Variants in CCDC148 observed in about 807,000 individuals in gnomAD.
CCDC148 encodes the protein coiled-coil domain-containing protein 148.
In CCDC148, 89 loss-of-function variants were observed where a neutral mutation model predicts 85.7. That is an observed-to-expected ratio of 1.04 (90% CI 0.87 to 1.24). The LOEUF (loss-of-function observed/expected upper bound fraction) is 1.24. Ranked by LOEUF, CCDC148 falls within the 50% of genes most tolerant of loss-of-function variation. The probability of loss-of-function intolerance (pLI) is 0.00; values close to 1 mark genes in which losing one functional copy is unlikely to be tolerated. For missense variants in CCDC148, 692 were observed against 671.7 expected, an observed-to-expected ratio of 1.03 and a Z score of -0.33; for synonymous variants, 230 against 213.9, an observed-to-expected ratio of 1.08 and a Z score of -0.66.
intron 11 of CCDC148, among the ~76,000 whole-genome samples, chr2:158,218,540 C>T (rs935177791): frequency 6.6e-6 from 1 of 152,130 alleles, no homozygotes; most frequent in Admixed American, 6.5e-5. Context: ...ACTCTGTAAT[C>T]AAAGAAGCTC....
chr2:158,429,135 G>T, intron 1 of CCDC148, among the ~76,000 whole-genome samples: 2 of 150,050 alleles, frequency 1.3e-5, no homozygotes, highest in South Asian at 2.1e-4. Flanking sequence ...GGGGCCTGTC[G>T]TGGGGTGGGG....
intron 1 of CCDC148, among the ~76,000 whole-genome samples, chr2:158,436,444 A>G (rs369429655): frequency 2.0e-5 from 3 of 152,224 alleles, no homozygotes; most frequent in Admixed American, 6.5e-5. Flanking sequence ...CAAAGACACA[A>G]CATACCAGAA....
Position 158,335,112 on chromosome 2 carries a change from A to G in CCDC148, c.764+3614T>C, listed in dbSNP as rs571419186. Among the ~76,000 whole-genome samples, 3 of 152,300 alleles carry G rather than the reference A, an allele frequency of 2.0e-5. No individual in the cohort carries two copies. The East Asian group carries it at 5.8e-4, about 29-fold the overall frequency. On this transcript the variant is annotated intron_variant, in intron 7 of 13. Coordinates refer to ENST00000283233, the MANE Select transcript of CCDC148 (RefSeq NM_138803.4). ...TGGACTTCCCATGCCATTCAAATAAAGCACTAGCTCAGTTTCTCCAGGACT... is the reference window on the plus strand; with the variant it reads ...TGGACTTCCCATGCCATTCAAATAAGGCACTAGCTCAGTTTCTCCAGGACT...
At chr2:158,261,290 C>T (rs745316205) in intron 9 of CCDC148, among the ~76,000 whole-genome samples, 13 of 151,772 alleles carry the variant, frequency 8.6e-5, no homozygotes, top group Non-Finnish European at 8.8e-5. Context: ...ATTCAATAAA[C>T]GGTGCTGGGA....
At chr2:158,278,309 T>A (rs943288255) in intron 9 of CCDC148, among the ~76,000 whole-genome samples, 2 of 152,058 alleles carry the variant, frequency 1.3e-5, no homozygotes, top group African/African-American at 2.4e-5. Context: ...TGCACGAGCC[T>A]AAGCAGGGTG....
At chr2:158,435,206 A>T (rs954229389) in intron 1 of CCDC148, among the ~76,000 whole-genome samples, 1 of 152,194 alleles carries the variant, frequency 6.6e-6, no homozygotes, top group African/African-American at 2.4e-5. Flanking sequence ...TGAAGGAAAA[A>T]ATGTTAAAGA....
intron 9 of CCDC148, among the ~76,000 whole-genome samples, chr2:158,252,895 C>A (rs1574487851): frequency 6.6e-6 from 1 of 151,738 alleles, no homozygotes; most frequent in East Asian, 1.9e-4. Context: ...CACTTAAAAT[C>A]CAACATTTCC....
Position 158,288,413 on chromosome 2 carries a change from C to T in CCDC148, c.1110+21020G>A, listed in dbSNP as rs190374150. ...CCCTTTTAAAACTGAATGCCTTTAACAGAACCCAGGTCACCTCTTAAGTGT... is the reference window on the plus strand; with the variant it reads ...CCCTTTTAAAACTGAATGCCTTTAATAGAACCCAGGTCACCTCTTAAGTGT... On this transcript the variant is annotated intron_variant, in intron 9 of 13. Coordinates refer to ENST00000283233, the MANE Select transcript of CCDC148 (RefSeq NM_138803.4). Among the ~76,000 whole-genome samples the T allele has an allele frequency of 4.1e-3, 621 of 152,302 alleles. 2 individuals carry two copies. The highest frequency in any genetic ancestry group is 0.014 in the African/African-American group (583 of 41,566).
intron 7 of CCDC148, among the ~76,000 whole-genome samples, chr2:158,328,822 G>A (rs1328089974): frequency 6.6e-6 from 1 of 152,188 alleles, no homozygotes; most frequent in Non-Finnish European, 1.5e-5. Flanking sequence ...CTTTTGAGAA[G>A]TGTCTGTTCA....
intron 11 of CCDC148, among the ~76,000 whole-genome samples, chr2:158,204,550 T>C (rs1358708495): frequency 6.6e-6 from 1 of 152,108 alleles, no homozygotes; most frequent in East Asian, 1.9e-4. Flanking sequence ...GGAGAGACCA[T>C]GCAAAGCTCC....
chr2:158,288,641 G>C (rs1690744416), intron 9 of CCDC148: 1 of 202,092 alleles, frequency 4.9e-6, no homozygotes. Context: ...CATTCAAAAA[G>C]TCTCTAGGAG....
At chr2:158,393,724 G>A (rs745700920) in intron 1 of CCDC148, among the ~76,000 whole-genome samples, 1 of 152,146 alleles carries the variant, frequency 6.6e-6, no homozygotes, top group Non-Finnish European at 1.5e-5. Flanking sequence ...CAAGAGAGCA[G>A]ATCACAGAGG....
rs1162664006 is a variant in CCDC148 at position 158,227,093 on chromosome 2, G to A, written c.1252-6380C>T. ...GCCCAAAATCTCCTTAAGCTGATAGGCAACTTCAGCAAAGTCTCAGGATAC... is the reference window on the plus strand; with the variant it reads ...GCCCAAAATCTCCTTAAGCTGATAGACAACTTCAGCAAAGTCTCAGGATAC... On this transcript the variant is annotated intron_variant, in intron 10 of 13. Transcript: ENST00000283233. 9.2e-5 allele frequency among the ~76,000 whole-genome samples: 14 copies of A among 152,206 alleles called. No homozygotes were observed. In the East Asian group the frequency reaches 2.5e-3, roughly 27 times the overall value.
At chr2:158,449,849 T>C (rs4664247) in intron 1 of CCDC148, among the ~76,000 whole-genome samples, 73,371 of 152,074 alleles carry the variant, frequency 0.48, 18,269 homozygotes, top group East Asian at 0.69. Context: ...TCACCATAAA[T>C]ATGTTGTTAT....
At chr2:158,453,671 C>A (rs761770736) in intron 1 of CCDC148, among the ~76,000 whole-genome samples, 8 of 152,122 alleles carry the variant, frequency 5.3e-5, no homozygotes, top group Admixed American at 6.5e-5. Flanking sequence ...CTCTGCTATG[C>A]TTCTTAGGGA....
At chr2:158,271,641 CTTA>C (rs1202154901) in intron 9 of CCDC148, among the ~76,000 whole-genome samples, 2 of 152,226 alleles carry the variant, frequency 1.3e-5, no homozygotes, top group Non-Finnish European at 2.9e-5. Context: ...CTATAATTGT[CTTA>C]TTATTATTCT....
chr2:158,453,708 T>G (rs1228137223), intron 1 of CCDC148, among the ~76,000 whole-genome samples: 1 of 152,158 alleles, frequency 6.6e-6, no homozygotes, highest in East Asian at 1.9e-4. Context: ...TAGGGGATAA[T>G]ATGAAAAAAA....
chr2:158,174,679 A>G (rs796226843), intron 13 of CCDC148, among the ~76,000 whole-genome samples: 20 of 152,164 alleles, frequency 1.3e-4, no homozygotes, highest in African/African-American at 4.3e-4. Context: ...CCTGTACAGC[A>G]TTAGTGTGCT....
chr2:158,402,695 G>A (rs531124992), intron 1 of CCDC148, among the ~76,000 whole-genome samples: 1 of 152,172 alleles, frequency 6.6e-6, no homozygotes, highest in African/African-American at 2.4e-5. Flanking sequence ...CAGTTGAGAA[G>A]AGACTTTTAA....
Sources: gnomAD v4.1 joint callset for allele counts (sites outside exome capture counted in the v4.1 genomes callset) on GRCh38, gnomAD v4.1.1 for gene constraint, MANE v1.5 for transcripts, NCBI Gene and HGNC (gene_info 2026-07-23, HGNC 2026-07-21) for gene names.